GSTCD: variants seen among roughly 807,000 people sequenced by gnomAD.
GSTCD encodes the protein glutathione S-transferase C-terminal domain containing.
Under a neutral mutation model 68.3 loss-of-function variants are expected in GSTCD, and 44 were observed. The ratio of observed to expected loss-of-function variants is 0.64; its 90% confidence interval spans 0.51 to 0.83. The LOEUF (loss-of-function observed/expected upper bound fraction) is 0.83, where lower values mean the gene tolerates loss of function less well. GSTCD is among the 40% of genes least tolerant of loss of function. GSTCD has a pLI of 0.00. For missense variants in GSTCD, 739 were observed against 735.9 expected, an observed-to-expected ratio of 1.00 and a Z score of -0.05; for synonymous variants, 273 against 255.2, an observed-to-expected ratio of 1.07 and a Z score of -0.67.
chr4:105,815,233 A>G (rs1175192425), intron 5 of GSTCD: 2 of 152,180 alleles, frequency 1.3e-5, no homozygotes, highest in Non-Finnish European at 2.9e-5. Flanking sequence ...TCCATACAGC[A>G]TCAGCAGAGG....
At chr4:105,796,308 A>G (rs1735886790) in intron 5 of GSTCD, among the ~76,000 whole-genome samples, 1 of 152,160 alleles carries the variant, frequency 6.6e-6, no homozygotes. Flanking sequence ...AATTGACCCC[A>G]TGATTCAGTT....
intron 5 of GSTCD, among the ~76,000 whole-genome samples, chr4:105,775,388 C>A (rs1560823155): frequency 6.6e-6 from 1 of 152,164 alleles, no homozygotes; most frequent in South Asian, 2.1e-4. Flanking sequence ...GTTTTGTTCC[C>A]TTGCTGGCGA....
At chr4:105,775,328 T>C (rs573415470) in intron 5 of GSTCD, among the ~76,000 whole-genome samples, 3 of 152,256 alleles carry the variant, frequency 2.0e-5, no homozygotes, top group South Asian at 4.1e-4. Context: ...CGTTTGCTAT[T>C]GCCTTCTGAA....
chr4:105,825,568 T>A, intron 7 of GSTCD, 104 bp from the exon 8 acceptor site: 6 of 662,824 alleles, frequency 9.1e-6, no homozygotes, highest in Non-Finnish European at 1.6e-5. Flanking sequence ...AGGCTCAATA[T>A]AATACGTTCT....
intron 5 of GSTCD, among the ~76,000 whole-genome samples, chr4:105,753,480 T>A (rs1456391380): frequency 6.6e-6 from 1 of 151,914 alleles, no homozygotes; most frequent in Non-Finnish European, 1.5e-5. Flanking sequence ...TTGAAAAAAA[T>A]TTGCATCTGT....
chr4:105,750,460 CAAAAAAAA>C (rs1024094979), intron 5 of GSTCD, among the ~76,000 whole-genome samples: 1 of 51,278 alleles, frequency 2.0e-5, no homozygotes, highest in African/African-American at 6.3e-5. Flanking sequence ...AACTCCGTCT[CAAAAAAAA>C]AAAAAAAAAA....
At chr4:105,727,919 T>G (rs977277779) in intron 4 of GSTCD, among the ~76,000 whole-genome samples, 2 of 152,198 alleles carry the variant, frequency 1.3e-5, no homozygotes, top group Admixed American at 6.5e-5. Flanking sequence ...TCATTATATT[T>G]CCCTATTTGG....
intron 5 of GSTCD, among the ~76,000 whole-genome samples, chr4:105,794,835 CTATT>C (rs1400765169): frequency 0.032 from 3,137 of 99,068 alleles, 52 homozygotes; most frequent in Middle Eastern, 0.084. Flanking sequence ...ATCTATCTAT[CTATT>C]TATCTATCTA....
intron 5 of GSTCD, among the ~76,000 whole-genome samples, chr4:105,740,375 T>A (rs1009714552): frequency 6.6e-6 from 1 of 152,046 alleles, no homozygotes; most frequent in Non-Finnish European, 1.5e-5. Context: ...TCCCATCTGA[T>A]CCCTGCTGGG....
intron 8 of GSTCD, among the ~76,000 whole-genome samples, chr4:105,831,453 A>C (rs377635472): frequency 6.6e-6 from 1 of 152,190 alleles, no homozygotes; most frequent in South Asian, 2.1e-4. Flanking sequence ...AGCATAGAGA[A>C]CTAAAAAAAG....
intron 5 of GSTCD, among the ~76,000 whole-genome samples, chr4:105,818,849 T>C (rs1723137054): frequency 6.6e-6 from 1 of 151,774 alleles, no homozygotes. Context: ...TTCAATTGAT[T>C]CCATTTTATT....
chr4:105,807,814 C>T (rs940047649), intron 5 of GSTCD, among the ~76,000 whole-genome samples: 42 of 152,170 alleles, frequency 2.8e-4, no homozygotes, highest in African/African-American at 1.0e-3. Context: ...ATACCGGTTT[C>T]CCTTTGTAAT....
intron 5 of GSTCD, among the ~76,000 whole-genome samples, chr4:105,732,464 C>G (rs1429650493): frequency 2.6e-5 from 4 of 152,096 alleles, no homozygotes; most frequent in Admixed American, 1.3e-4. Flanking sequence ...TCTAGATTTT[C>G]TAGTTTATTT....
rs568621330 is a variant in GSTCD, at chr4:105,720,093, G to A, written c.894+566G>A. On this transcript the variant is annotated intron_variant, in intron 3 of 11. Transcript: ENST00000515279. ...GTTCTCTCTGAGAGTAAAGTAGCTG[G>A]CTCTGTTATTATGTGCTGGGGGAGA... Among the ~76,000 whole-genome samples, 3 of 152,232 alleles carry A rather than the reference G, an allele frequency of 2.0e-5. No homozygotes were observed. The South Asian group carries it at 6.2e-4, about 32-fold the overall frequency.
At chr4:105,747,889 T>TTTG (rs57577586) in intron 5 of GSTCD, among the ~76,000 whole-genome samples, 140,071 of 151,438 alleles carry the variant, frequency 0.92, 64,802 homozygotes, top group East Asian at 0.97. Flanking sequence ...GTGTAAACAG[T>TTTG]TTGTTGTTGT....
In GSTCD at chr4:105,719,506, G is replaced by T. The variant is rs774256305; in HGVS notation, c.873G>T (p.Leu291Phe). The change falls in exon 3 of 12, where the codon TTG (leucine) becomes TTT (phenylalanine). Residue 291 changes from leucine (L) to phenylalanine (F), a missense_variant. Leu to Phe is a conservative substitution (Grantham distance 22, BLOSUM62 0). Coordinates refer to ENST00000515279, the MANE Select transcript of GSTCD (RefSeq NM_001370181.1). ...TCACTCTGGCAGATATTGTGCTCTT[G>T]CCCTGTATCCATCATTTCTTGGTAA... ...LYFTLADIVL[L>F]PCIHHFLVII... The T allele has an allele frequency of 5.0e-6, 8 of 1,613,588 alleles. No homozygotes were observed. The South Asian group carries it at 8.8e-5, about 18-fold the overall frequency.
chr4:105,841,537 G>T (rs140834576), intron 10 of GSTCD, among the ~76,000 whole-genome samples: 1 of 152,126 alleles, frequency 6.6e-6, no homozygotes, highest in African/African-American at 2.4e-5. Context: ...CTATTCTTAA[G>T]AGCTACATCT....
intron 5 of GSTCD, among the ~76,000 whole-genome samples, chr4:105,809,524 T>G (rs928352181): frequency 6.6e-6 from 1 of 152,102 alleles, no homozygotes; most frequent in South Asian, 2.1e-4. Flanking sequence ...TTCCTTGCTC[T>G]TTCTCCCCTT....
In GSTCD at chr4:105,845,435, T is replaced by C. The variant is rs554108320; in HGVS notation, c.1766-6T>C. ...TGTCTCATGATACCATTTGACTGTG[T>C]TTCAGGAAAACAGTGCATGTGCTTG... On this transcript the variant is annotated splice_region_variant and splice_polypyrimidine_tract_variant and intron_variant, in intron 11 of 11. Transcript: ENST00000515279. 7.7e-5 allele frequency: 124 copies of C among 1,614,046 alleles called. 2 individuals carry two copies. The South Asian group carries it at 1.3e-3, about 17-fold the overall frequency.
Sources: gnomAD v4.1 joint callset for allele counts (sites outside exome capture counted in the v4.1 genomes callset) on GRCh38, gnomAD v4.1.1 for gene constraint, MANE v1.5 for transcripts, NCBI Gene and HGNC (gene_info 2026-07-23, HGNC 2026-07-21) for gene names.